Variants in RBM39 observed in about 807,000 individuals in gnomAD.
RBM39 encodes the protein RNA-binding protein 39.
A neutral mutation model predicts 79.6 loss-of-function variants in RBM39; 12 were observed. The observed-to-expected ratio is 0.15, with a 90% CI of 0.10 to 0.24. The LOEUF (loss-of-function observed/expected upper bound fraction) is 0.24. RBM39 is among the 10% of genes least tolerant of loss of function. The pLI is 1.00. For missense variants in RBM39, 243 were observed against 653.4 expected, an observed-to-expected ratio of 0.37 and a Z score of 6.85; for synonymous variants, 185 against 208.4, an observed-to-expected ratio of 0.89 and a Z score of 0.97.
intron 3 of RBM39, among the ~76,000 whole-genome samples, chr20:35,735,419 G>T (rs1460027232): frequency 1.3e-5 from 2 of 152,152 alleles, no homozygotes; most frequent in Non-Finnish European, 2.9e-5. Flanking sequence ...TGAAGTGTAT[G>T]TTAAGAATCA....
intron 13 of RBM39, chr20:35,708,015 G>A: frequency 2.6e-6 from 1 of 381,706 alleles, no homozygotes; most frequent in Admixed American, 3.8e-5. Context: ...CAGTGCATTA[G>A]AAATTATGGT....
At chr20:35,739,619 TCCA>T (rs2040316410) in intron 2 of RBM39, 6 of 450,464 alleles carry the variant, frequency 1.3e-5, no homozygotes, top group Admixed American at 9.6e-5. Flanking sequence ...CAATTAATAA[TCCA>T]CCAAGTCCAG....
chr20:35,729,709 C>T (rs902272228), intron 4 of RBM39, among the ~76,000 whole-genome samples, 182 bp from the exon 5 acceptor site: 1 of 152,094 alleles, frequency 6.6e-6, no homozygotes, highest in African/African-American at 2.4e-5. Context: ...TTGTATTTAT[C>T]CATCCTGGAC....
chr20:35,712,805 G>A (rs2146525742), intron 12 of RBM39, among the ~76,000 whole-genome samples: 1 of 152,024 alleles, frequency 6.6e-6, no homozygotes, highest in African/African-American at 2.4e-5. Context: ...CTAAAAACTG[G>A]GGTGCAGGGT....
At chr20:35,735,109 G>A (rs754727230) in intron 3 of RBM39, 15 of 1,500,926 alleles carry the variant, frequency 1.0e-5, no homozygotes, top group African/African-American at 1.4e-5. Flanking sequence ...AAATAGAAAA[G>A]TCATTTATTC....
At chr20:35,736,513 C>T (rs1005564851) in intron 3 of RBM39, 9 of 463,728 alleles carry the variant, frequency 1.9e-5, no homozygotes, top group African/African-American at 1.2e-4. Context: ...ATCAACCTAC[C>T]TAACACAGTT....
intron 12 of RBM39, chr20:35,710,538 G>A (rs2036273920): frequency 6.6e-6 from 1 of 152,084 alleles, no homozygotes; most frequent in Non-Finnish European, 1.5e-5. Context: ...AATAAAGCAT[G>A]GTTTTCATAA....
At chr20:35,728,468 G>A (rs1389652537) in intron 6 of RBM39, among the ~76,000 whole-genome samples, 1 of 152,078 alleles carries the variant, frequency 6.6e-6, no homozygotes, top group Non-Finnish European at 1.5e-5. Context: ...ATTAAAATAG[G>A]AAAATAAGAT....
At position 35,737,780 on chromosome 20, in the gene RBM39, C is replaced by T. The variant is rs184725330; in HGVS notation, c.101+1188G>A. On this transcript the variant is annotated intron_variant, in intron 3 of 16. Coordinates refer to ENST00000253363, the MANE Select transcript of RBM39 (RefSeq NM_184234.3). Reference sequence around the variant, plus strand: ...AGGAGAATAGCATGAACCCAGGAGGCGGAGCTTGCAGTGAGCAGAGATCAC... The same window carrying T: ...AGGAGAATAGCATGAACCCAGGAGGTGGAGCTTGCAGTGAGCAGAGATCAC... Among the ~76,000 whole-genome samples the T allele has an allele frequency of 3.0e-3, 415 of 137,286 alleles. 1 individual carries two copies. Among genetic ancestry groups the T allele is most frequent in the African/African-American group, 0.011 (391 of 36,296 alleles). The allele number at this position is 137,286 out of a possible 152,430, so 90.1% of individuals were successfully genotyped here.
Position 35,728,687 on chromosome 20 carries a change from G to T in RBM39, c.416+625C>A, listed in dbSNP as rs542903206. Among the ~76,000 whole-genome samples, 4 of 152,254 alleles carry T rather than the reference G, an allele frequency of 2.6e-5. No individual in the cohort carries two copies. The East Asian group carries it at 5.8e-4, about 22-fold the overall frequency. On this transcript the variant is annotated intron_variant, in intron 6 of 16. Coordinates refer to ENST00000253363, the MANE Select transcript of RBM39 (RefSeq NM_184234.3). ...AGCTACTCGGGAGGCTGAGGCAGGAGAATCACTTGAACCCAGGAGGCAGAG... is the reference window on the plus strand; with the variant it reads ...AGCTACTCGGGAGGCTGAGGCAGGATAATCACTTGAACCCAGGAGGCAGAG...
intron 6 of RBM39, among the ~76,000 whole-genome samples, chr20:35,728,720 T>C (rs2039034274): frequency 6.6e-6 from 1 of 151,908 alleles, no homozygotes; most frequent in African/African-American, 2.4e-5. Context: ...GAGGTTGCAG[T>C]GAGCCGAGAT....
chr20:35,722,425 A>AAG (rs1400447186), intron 8 of RBM39, among the ~76,000 whole-genome samples: 1 of 123,544 alleles, frequency 8.1e-6, no homozygotes, highest in African/African-American at 3.1e-5. Context: ...TAAAAATAAA[A>AAG]AAAAAAATAA....
In RBM39 at chr20:35,729,369, C is replaced by A. The variant is rs750913830; in HGVS notation, c.363-4G>T. On this transcript the variant is annotated splice_polypyrimidine_tract_variant and splice_region_variant and intron_variant, in intron 5 of 16. Transcript: ENST00000253363. ...TTTGCTTCGGGAACGTCGTCTGCTG[C>A]AAAGTTAAAAAGTTTCAGAAGTTAT... 4.6e-5 allele frequency: 74 copies of A among 1,606,106 alleles called. No homozygotes were observed. Among genetic ancestry groups the A allele is most frequent in the Non-Finnish European group, 5.9e-5 (70 of 1,178,280 alleles).
Position 35,740,907 on chromosome 20 carries a change from A to G in RBM39, c.-13-20T>C. The stretch of plus-strand genomic sequence containing the variant: ...AAACGCCTAGGAAGAGAACAAGACA[A>G]TTTCTTGAGTAAACATTTCTCTTAC... On this transcript the variant is annotated intron_variant, in intron 1 of 16. Coordinates refer to ENST00000253363, the MANE Select transcript of RBM39 (RefSeq NM_184234.3). 1.3e-6 allele frequency: 2 copies of G among 1,554,794 alleles called. No homozygotes were observed. Among genetic ancestry groups the G allele is most frequent in the Non-Finnish European group, 1.8e-6 (2 of 1,133,146 alleles).
chr20:35,738,596 T>C (rs916643545), intron 3 of RBM39, among the ~76,000 whole-genome samples: 1 of 152,222 alleles, frequency 6.6e-6, no homozygotes, highest in Non-Finnish European at 1.5e-5. Context: ...CATGGCCTAG[T>C]TATCACCTAA....
intron 6 of RBM39, among the ~76,000 whole-genome samples, chr20:35,727,183 A>C (rs1386434206): frequency 1.2e-4 from 12 of 98,230 alleles, no homozygotes. Context: ...TTGTCTCTAC[A>C]AAAAAAAAAT....
intron 8 of RBM39, 59 bp downstream of exon 8, chr20:35,724,511 T>C (rs1019248547): frequency 5.1e-6 from 8 of 1,558,472 alleles, no homozygotes; most frequent in Middle Eastern, 1.8e-4. Context: ...CACTATACCA[T>C]GCAACAGGAG....
intron 1 of RBM39, 49 bp from the exon 2 acceptor site, chr20:35,740,936 G>T: frequency 7.4e-7 from 1 of 1,346,776 alleles, no homozygotes; most frequent in Non-Finnish European, 1.0e-6. Context: ...CTCTTACAAT[G>T]TGAAACAAGT....
chr20:35,739,604 A>C (rs1223642862), intron 2 of RBM39: 1 of 458,818 alleles, frequency 2.2e-6, no homozygotes, highest in Non-Finnish European at 4.6e-6. Context: ...AGAACCCAAG[A>C]AAGTCAATTA....
Sources: gnomAD v4.1 joint callset for allele counts (sites outside exome capture counted in the v4.1 genomes callset) on GRCh38, gnomAD v4.1.1 for gene constraint, MANE v1.5 for transcripts, NCBI Gene and HGNC (gene_info 2026-07-23, HGNC 2026-07-21) for gene names.